The following MICAL3 variants were observed in gnomAD, a reference collection of about 807,000 sequenced individuals.
MICAL3 encodes [F-actin]-monooxygenase MICAL3.
Under a neutral mutation model 207.4 loss-of-function variants are expected in MICAL3, and 62 were observed. The ratio of observed to expected loss-of-function variants is 0.30; its 90% confidence interval spans 0.24 to 0.37. MICAL3 has a LOEUF of 0.37. Ranked by LOEUF, MICAL3 falls within the 10% of genes least tolerant of loss-of-function variation. MICAL3 has a pLI of 1.00. For synonymous variants in MICAL3, 1,077 were observed against 1,069.3 expected (o/e 1.01, Z -0.14); for missense variants, 2,368 against 2,635.6 (o/e 0.90, Z 2.22).
chr22:18,017,703 T>A (rs416519), intron 1 of MICAL3, among the ~76,000 whole-genome samples: 149,091 of 149,728 alleles, frequency 1, 74,228 homozygotes, highest in Middle Eastern at 1. Context: ...CTCCTGCCTC[T>A]GCCTCCCGAG....
intron 1 of MICAL3, among the ~76,000 whole-genome samples, chr22:18,012,976 T>A (rs1466533128): frequency 1.3e-5 from 2 of 152,138 alleles, no homozygotes; most frequent in Non-Finnish European, 2.9e-5. Flanking sequence ...TTTCCCCCAC[T>A]GCATGCAGGT....
chr22:17,956,095 A>C (rs1934600430), intron 1 of MICAL3, among the ~76,000 whole-genome samples: 1 of 152,224 alleles, frequency 6.6e-6, no homozygotes, highest in Admixed American at 6.5e-5. Flanking sequence ...CAGCTGCAGA[A>C]GGGAGCTGCA....
chr22:17,970,977 T>A (rs1014181131), intron 1 of MICAL3, among the ~76,000 whole-genome samples: 1 of 151,910 alleles, frequency 6.6e-6, no homozygotes, highest in African/African-American at 2.4e-5. Context: ...AGCTCAGGAG[T>A]TCGAGACCAG....
At chr22:17,914,574 G>A (rs970037549) in intron 1 of MICAL3, among the ~76,000 whole-genome samples, 7 of 152,256 alleles carry the variant, frequency 4.6e-5, no homozygotes, top group East Asian at 1.9e-4. Context: ...CTAACCACCC[G>A]AGAGCAGGAA....
chr22:17,896,054 T>C (rs1234036924), intron 9 of MICAL3, among the ~76,000 whole-genome samples, 192 bp downstream of exon 9: 1 of 152,224 alleles, frequency 6.6e-6, no homozygotes, highest in Non-Finnish European at 1.5e-5. Context: ...GAAGACTTAG[T>C]CTAGGAGACT....
chr22:17,850,400 GTTTTTTTTTTTT>G lies in MICAL3; in HGVS notation c.2606-8395_2606-8384del, dbSNP rs565667574. On this transcript the variant is annotated intron_variant, in intron 19 of 31. Coordinates refer to ENST00000441493, the MANE Select transcript of MICAL3 (RefSeq NM_015241.3). The stretch of plus-strand genomic sequence containing the variant: ...CTGTGGAACTTTTGCTTTTGAATTA[GTTTTTTTTTTTT>G]TTTTTTTTTTTTTTTTGAGATGGAG... Among the ~76,000 whole-genome samples, 36 of 74,418 alleles carry G rather than the reference GTTTTTTTTTTTT, an allele frequency of 4.8e-4. 1 individual carries two copies. In the East Asian group the frequency reaches 9.7e-3, roughly 20 times the overall value. The allele number at this position is 74,418 out of a possible 152,430, so 48.8% of individuals were successfully genotyped here.
intron 21 of MICAL3, among the ~76,000 whole-genome samples, chr22:17,830,777 T>C (rs1401686166): frequency 1.3e-5 from 2 of 152,160 alleles, no homozygotes; most frequent in Non-Finnish European, 2.9e-5. Context: ...GGAGAGCAGG[T>C]CCTTAGGGAG....
rs1928799609 is a variant in MICAL3, at chr22:17,877,342, GGGAGGTTAGGGAGGTTAT to G, written c.2242-5337_2242-5320del. On this transcript the variant is annotated intron_variant, in intron 16 of 31. Transcript: ENST00000441493. ...GAGGTTAGGGAGGTTATGGAGGTTA[GGGAGGTTAGGGAGGTTAT>G]GGAGGTTAGGGAGGTGAGGGAGGTT... Among the ~76,000 whole-genome samples the G allele has an allele frequency of 3.9e-4, 8 of 20,432 alleles. No individual in the cohort carries two copies. The East Asian group carries it at 4.7e-3, about 12-fold the overall frequency. The allele number at this position is 20,432 out of a possible 152,430, so 13.4% of individuals were successfully genotyped here. A position where few individuals can be genotyped will look rare whatever the true frequency, so the allele number is the denominator to read the frequency against.
At position 17,997,050 on chromosome 22, in the gene MICAL3, C is replaced by CTTTTTT. The variant is rs71716810; in HGVS notation, c.-75+27225_-75+27230dup. 1.4e-3 allele frequency among the ~76,000 whole-genome samples: 102 copies of CTTTTTT among 75,550 alleles called. 1 individual carries two copies. Among genetic ancestry groups the CTTTTTT allele is most frequent in the East Asian group, 3.2e-3 (7 of 2,222 alleles). The allele number at this position is 75,550 out of a possible 152,430, so 49.6% of individuals were successfully genotyped here. The stretch of plus-strand genomic sequence containing the variant: ...TCTGTCCCTCATCTCCCCATCTAGT[C>CTTTTTT]TTTTTTTTTTTTTTTTTTTTTTTGA... On this transcript the variant is annotated intron_variant, in intron 1 of 31. Transcript: ENST00000441493.
At chr22:17,886,804 CA>C (rs55867197) in intron 15 of MICAL3, among the ~76,000 whole-genome samples, 46,746 of 96,656 alleles carry the variant, frequency 0.48, 9,538 homozygotes, top group African/African-American at 0.61. Flanking sequence ...GACTCTGTCT[CA>C]AAAAAAAAAA....
At chr22:17,826,622 G>C in intron 22 of MICAL3, 1 of 481,012 alleles carries the variant, frequency 2.1e-6, no homozygotes, top group Non-Finnish European at 2.7e-6. Context: ...AAAGTGAGAA[G>C]GCATTCAGGA....
At chr22:18,007,847 C>T (rs921032880) in intron 1 of MICAL3, among the ~76,000 whole-genome samples, 8 of 125,288 alleles carry the variant, frequency 6.4e-5, no homozygotes, top group African/African-American at 1.2e-4. Context: ...GGCGTGAACC[C>T]GGGGGGTGGA....
At chr22:17,991,063 C>CGGCTT (rs1569159668) in intron 1 of MICAL3, among the ~76,000 whole-genome samples, 1 of 152,238 alleles carries the variant, frequency 6.6e-6, no homozygotes, top group African/African-American at 2.4e-5. Flanking sequence ...ATGGTCCACA[C>CGGCTT]GGCTCCTGGC....
chr22:17,877,848 C>CT (rs1193542834), intron 16 of MICAL3, among the ~76,000 whole-genome samples: 4 of 151,904 alleles, frequency 2.6e-5, no homozygotes, highest in Non-Finnish European at 4.4e-5. Context: ...CTCCCTTCTT[C>CT]TTTTTTTTGA....
intron 29 of MICAL3, among the ~76,000 whole-genome samples, chr22:17,802,053 T>C (rs953049391): frequency 6.8e-6 from 1 of 146,834 alleles, no homozygotes; most frequent in African/African-American, 2.6e-5. Flanking sequence ...AGATTCTGAA[T>C]GTAAACAATT....
intron 1 of MICAL3, among the ~76,000 whole-genome samples, chr22:17,951,220 T>C (rs559010506): frequency 7.9e-5 from 12 of 152,276 alleles, no homozygotes; most frequent in African/African-American, 9.6e-5. Context: ...CCACTGTGAA[T>C]AGGCAGGGTG....
Position 17,889,129 on chromosome 22 carries a change from T to C in MICAL3, c.1796A>G (p.Lys599Arg), listed in dbSNP as rs373907205. 6.8e-5 allele frequency: 110 copies of C among 1,613,744 alleles called. No individual in the cohort carries two copies. The highest frequency in any genetic ancestry group is 8.9e-5 in the Non-Finnish European group (105 of 1,179,782). ...AGGCTCCCCCACGGAGGCCATTTCT[T>C]TGCCTGTCATGATGGGAGAAATGCC... ...ELGISPIMTG[K>R]EMASVGEPDK... The change falls in exon 13 of 32, where the codon AAA becomes AGA. Residue 599 changes from lysine (K) to arginine (R), a missense_variant. Lys to Arg is a conservative substitution (Grantham distance 26). This residue lies in a region of MICAL3 where 51 missense variants were observed against 87.8 expected (regional missense o/e 0.58). Coordinates refer to ENST00000441493, the MANE Select transcript of MICAL3 (RefSeq NM_015241.3).
In MICAL3 at chr22:17,886,044, G is replaced by A. The variant is rs780373243; in HGVS notation, c.2075C>T (p.Ala692Val). 8 of 1,613,910 alleles carry A rather than the reference G, an allele frequency of 5.0e-6. No individual in the cohort carries two copies. The highest frequency in any genetic ancestry group is 6.8e-6 in the Non-Finnish European group (8 of 1,179,892). ...TCTTTCTCCTCTGTGGCCCCGAGGA[G>A]CTTCCTCCTGGTCAATGCCAACCCC... ...RKTSQSEEEE[A>V]PRGHRGERPT... Residue 692 changes from alanine (A) to valine (V), a missense_variant, in exon 16 of 32, where the codon GCT becomes GTT. By Grantham distance (64) the Ala-to-Val change is moderately conservative. Transcript: ENST00000441493.
At chr22:18,012,061 C>G (rs1337806995) in intron 1 of MICAL3, among the ~76,000 whole-genome samples, 1 of 151,830 alleles carries the variant, frequency 6.6e-6, no homozygotes, top group African/African-American at 2.4e-5. Flanking sequence ...AGGGTGAAAC[C>G]CCGTCTCTAC....
Sources: gnomAD v4.1 joint callset for allele counts (sites outside exome capture counted in the v4.1 genomes callset) on GRCh38, gnomAD v4.1.1 for gene constraint, gnomAD v4.1.1 regional missense constraint, MANE v1.5 for transcripts, NCBI Gene and HGNC (gene_info 2026-07-23, HGNC 2026-07-21) for gene names.